GABRG3: variants seen among roughly 807,000 people sequenced by gnomAD.
GABRG3 encodes gamma-aminobutyric acid type A receptor subunit gamma3.
GABRG3 carries 25 observed loss-of-function variants against 48.8 expected under a neutral mutation model. The observed-to-expected ratio is 0.51, with a 90% CI of 0.37 to 0.72. The LOEUF is 0.72. Ranked by LOEUF, GABRG3 falls within the 30% of genes least tolerant of loss-of-function variation. GABRG3 has a pLI of 0.00. For synonymous variants in GABRG3, 227 were observed against 217.6 expected (o/e 1.04, Z -0.38); for missense variants, 394 against 577.9 (o/e 0.68, Z 3.26).
intron 5 of GABRG3, among the ~76,000 whole-genome samples, chr15:27,349,305 A>G (rs907188083): frequency 5.9e-5 from 9 of 152,190 alleles, no homozygotes; most frequent in Admixed American, 5.9e-4. Context: ...AACACATAAA[A>G]TATTCCAGGC....
intron 5 of GABRG3, among the ~76,000 whole-genome samples, chr15:27,404,539 G>A (rs780307601): frequency 2.0e-5 from 3 of 152,160 alleles, no homozygotes; most frequent in Admixed American, 6.5e-5. Context: ...CCTGGGGCCC[G>A]GCCTGGTCTG....
intron 3 of GABRG3, among the ~76,000 whole-genome samples, chr15:27,282,887 C>T (rs1407408271): frequency 1.3e-5 from 2 of 152,120 alleles, no homozygotes; most frequent in Non-Finnish European, 2.9e-5. Flanking sequence ...GTGGACACCC[C>T]CCCAGCCTCA....
At chr15:27,097,327 T>C (rs1194326117) in intron 3 of GABRG3, among the ~76,000 whole-genome samples, 1 of 152,070 alleles carries the variant, frequency 6.6e-6, no homozygotes, top group Non-Finnish European at 1.5e-5. Context: ...CCCTGGGTAC[T>C]TGGGGCTTAG....
intron 3 of GABRG3, among the ~76,000 whole-genome samples, chr15:27,235,853 G>C (rs1486259281): frequency 6.6e-6 from 1 of 152,148 alleles, no homozygotes. Flanking sequence ...ACGAGAAACA[G>C]ATGCAGAGGT....
At chr15:27,086,223 T>C (rs931849394) in intron 3 of GABRG3, among the ~76,000 whole-genome samples, 3 of 151,982 alleles carry the variant, frequency 2.0e-5, no homozygotes, top group Non-Finnish European at 2.9e-5. Context: ...CATAAAATAT[T>C]CCCTAGGAGC....
chr15:27,080,809 A>T (rs898976620), intron 3 of GABRG3, among the ~76,000 whole-genome samples: 1 of 152,078 alleles, frequency 6.6e-6, no homozygotes, highest in Non-Finnish European at 1.5e-5. Context: ...TGGCCCTGGG[A>T]CTTGCTTCCA....
intron 3 of GABRG3, among the ~76,000 whole-genome samples, chr15:27,088,256 C>CGGGGGCGGGCGCG: frequency 2.9e-5 from 1 of 34,774 alleles, no homozygotes; most frequent in Non-Finnish European, 5.9e-5. Flanking sequence ...GGGGCGGGCG[C>CGGGGGCGGGCGCG]GGGGGCGGGC....
intron 3 of GABRG3, among the ~76,000 whole-genome samples, chr15:27,160,863 T>G (rs1350480630): frequency 2.6e-5 from 4 of 152,194 alleles, no homozygotes; most frequent in South Asian, 2.1e-4. Context: ...ACTGGGAATT[T>G]CAGAGAAGTA....
chr15:27,503,414 T>G (rs1267671739), intron 6 of GABRG3, among the ~76,000 whole-genome samples: 1 of 152,162 alleles, frequency 6.6e-6, no homozygotes, highest in African/African-American at 2.4e-5. Context: ...GCTCCCACCT[T>G]CACACCCTCT....
intron 5 of GABRG3, chr15:27,364,448 T>C (rs562720916): frequency 6.6e-6 from 1 of 152,392 alleles, no homozygotes; most frequent in Admixed American, 6.5e-5. Flanking sequence ...CAAAAGTGTT[T>C]CTTCTTTGAG....
chr15:27,494,125 C>T (rs1056273985), intron 6 of GABRG3, among the ~76,000 whole-genome samples: 1 of 151,732 alleles, frequency 6.6e-6, no homozygotes, highest in Non-Finnish European at 1.5e-5. Context: ...ACCTCAAATC[C>T]CTGGAATAAA....
At position 27,060,656 on chromosome 15, in the gene GABRG3, T is replaced by C. The variant is rs553792907; in HGVS notation, c.270+33835T>C. 1.5e-3 allele frequency among the ~76,000 whole-genome samples: 229 copies of C among 152,100 alleles called. 1 individual carries two copies. Among genetic ancestry groups the C allele is most frequent in the African/African-American group, 5.1e-3 (210 of 41,464 alleles). The stretch of plus-strand genomic sequence containing the variant: ...GACGAGTCCCTGCCCAAAAGGAAAA[T>C]CAAATGATGAGGCAGCAGGAGTCAC... On this transcript the variant is annotated intron_variant, in intron 3 of 9. Transcript: ENST00000615808.
At chr15:27,045,788 C>T (rs901145154) in intron 3 of GABRG3, among the ~76,000 whole-genome samples, 6 of 152,200 alleles carry the variant, frequency 3.9e-5, no homozygotes, top group East Asian at 1.9e-4. Context: ...AGTGAGACAG[C>T]GGTCAATGCC....
chr15:27,440,397 A>G (rs949875397), intron 5 of GABRG3, among the ~76,000 whole-genome samples: 2 of 152,174 alleles, frequency 1.3e-5, no homozygotes, highest in Non-Finnish European at 2.9e-5. Context: ...CCACCAAGCT[A>G]GGCATATTGG....
intron 6 of GABRG3, among the ~76,000 whole-genome samples, chr15:27,483,934 C>CT (rs1021153699): frequency 6.6e-6 from 1 of 151,982 alleles, no homozygotes; most frequent in Non-Finnish European, 1.5e-5. Context: ...AAATCACATA[C>CT]TTTTTTTTCT....
intron 5 of GABRG3, among the ~76,000 whole-genome samples, chr15:27,462,188 C>T (rs1889470918): frequency 6.6e-6 from 1 of 152,106 alleles, no homozygotes; most frequent in South Asian, 2.1e-4. Context: ...CCCTCTGAGC[C>T]GGCTCCTCAC....
At chr15:27,297,284 A>G (rs1892026107) in intron 3 of GABRG3, among the ~76,000 whole-genome samples, 1 of 152,190 alleles carries the variant, frequency 6.6e-6, no homozygotes, top group African/African-American at 2.4e-5. Context: ...AATATATTTT[A>G]TACATTTAGT....
intron 2 of GABRG3, among the ~76,000 whole-genome samples, chr15:26,988,515 C>T (rs1895190239): frequency 6.6e-6 from 1 of 151,968 alleles, no homozygotes; most frequent in South Asian, 2.1e-4. Context: ...TTACTTTTAA[C>T]CTATGTTTGT....
At chr15:27,525,976 C>A (rs1262820149) in intron 7 of GABRG3, among the ~76,000 whole-genome samples, 1 of 139,766 alleles carries the variant, frequency 7.2e-6, no homozygotes, top group Non-Finnish European at 1.5e-5. Flanking sequence ...TAATTTTTTT[C>A]TAAAGAGCTT....
Sources: allele counts gnomAD v4.1 joint callset (sites outside exome capture counted in the v4.1 genomes callset), GRCh38; gene constraint gnomAD v4.1.1; transcripts MANE v1.5; gene names NCBI Gene and HGNC (gene_info 2026-07-23, HGNC 2026-07-21).